The following EPB41L1 variants were observed in gnomAD, a reference collection of about 807,000 sequenced individuals.
EPB41L1 encodes erythrocyte membrane protein band 4.1 like 1, also known as band 4.1-like protein 1.
In EPB41L1, 29 loss-of-function variants were observed where a neutral mutation model predicts 97.8. That is an observed-to-expected ratio of 0.30 (90% CI 0.22 to 0.40). The LOEUF is 0.40. EPB41L1 is among the 10% of genes least tolerant of loss of function. The pLI, the probability that EPB41L1 is intolerant of heterozygous loss-of-function variation, is 1.00. For missense variants in EPB41L1, 812 were observed against 1,162.3 expected, an observed-to-expected ratio of 0.70 and a Z score of 4.38; for synonymous variants, 383 against 459.2, an observed-to-expected ratio of 0.83 and a Z score of 2.12.
chr20:36,124,624 C>A (rs2147702965), intron 2 of EPB41L1, among the ~76,000 whole-genome samples: 2 of 152,324 alleles, frequency 1.3e-5, no homozygotes, highest in Admixed American at 1.3e-4. Context: ...GTCCTCCCAC[C>A]CCCTGCACTG....
chr20:36,183,258 A>C (rs1000399164), intron 6 of EPB41L1, among the ~76,000 whole-genome samples: 8 of 152,144 alleles, frequency 5.3e-5, no homozygotes, highest in Non-Finnish European at 1.0e-4. Context: ...AAGGGCTCCT[A>C]AGCCAGCCCC....
intron 16 of EPB41L1, among the ~76,000 whole-genome samples, chr20:36,214,061 A>C (rs530557002): frequency 1.3e-5 from 2 of 152,278 alleles, no homozygotes; most frequent in Non-Finnish European, 2.9e-5. Context: ...TGAGCTTTTC[A>C]AAGGTTATAT....
At chr20:36,202,738 G>A (rs140615158) in intron 14 of EPB41L1, among the ~76,000 whole-genome samples, 4 of 151,456 alleles carry the variant, frequency 2.6e-5, no homozygotes, top group Admixed American at 6.6e-5. Context: ...GCTTGAACTC[G>A]GGAGGCGGCT....
At chr20:36,221,794 GTAGGTCCCCTC>G (rs2063795727) in intron 19 of EPB41L1, 59 bp from the exon 20 acceptor site, 1 of 1,313,784 alleles carries the variant, frequency 7.6e-7, no homozygotes, top group Non-Finnish European at 1.1e-6. Flanking sequence ...GATGATTTGG[GTAGGTCCCCTC>G]TTGAGGCTGC....
chr20:36,131,210 G>C lies in EPB41L1; in HGVS notation c.-10+18730G>C, dbSNP rs139092259. ...GGCTGGTCTTGAACTCCTGGCCTCT[G>C]GTGATCCGCCCGCCTCGGCCTCCCA... On this transcript the variant is annotated intron_variant, in intron 2 of 19. Coordinates refer to the EPB41L1 transcript ENST00000202028. Among the ~76,000 whole-genome samples the C allele has an allele frequency of 8.6e-3, 1,302 of 152,090 alleles. 27 individuals carry two copies. The highest frequency in any genetic ancestry group is 0.029 in the African/African-American group (1,218 of 41,486).
chr20:36,202,542 C>T (rs1193429658), intron 14 of EPB41L1, among the ~76,000 whole-genome samples: 1 of 152,100 alleles, frequency 6.6e-6, no homozygotes, highest in East Asian at 1.9e-4. Context: ...GCCTGTAATT[C>T]CAGCACTTTG....
chr20:36,221,645 T>A (rs1601086822), intron 19 of EPB41L1, among the ~76,000 whole-genome samples: 1 of 152,122 alleles, frequency 6.6e-6, no homozygotes. Context: ...TTGGAAGACC[T>A]AGATGGGATA....
At chr20:36,129,185 AGTCCCT>A (rs934175107) in intron 2 of EPB41L1, among the ~76,000 whole-genome samples, 2 of 152,120 alleles carry the variant, frequency 1.3e-5, no homozygotes, top group East Asian at 3.9e-4. Flanking sequence ...TTGGTTTGCG[AGTCCCT>A]GTGGAAACAC....
rs113406869 is a variant in EPB41L1 at position 36,197,283 on chromosome 20, T to G, written c.1486-576T>G. Among the ~76,000 whole-genome samples the G allele has an allele frequency of 2.9e-3, 442 of 152,316 alleles. 4 individuals carry two copies. The highest frequency in any genetic ancestry group is 0.01 in the African/African-American group (434 of 41,582). On this transcript the variant is annotated intron_variant, in intron 13 of 21. Transcript: ENST00000338074. ...CTGTACTGTGGGCCTCCCCAGGGCC[T>G]GAGCAGTTGTGCATGTTGGGCTAGG... is the stretch of plus-strand genomic sequence containing the variant.
chr20:36,185,447 C>A, intron 7 of EPB41L1, 112 bp downstream of exon 7: 2 of 988,354 alleles, frequency 2.0e-6, no homozygotes, highest in African/African-American at 1.6e-5. Context: ...CCCCGCCTGG[C>A]TCTGCCCCTA....
intron 5 of EPB41L1, among the ~76,000 whole-genome samples, chr20:36,178,959 G>A (rs1306033661): frequency 6.6e-6 from 1 of 151,766 alleles, no homozygotes; most frequent in Non-Finnish European, 1.5e-5. Flanking sequence ...TACTCGGGAG[G>A]CTGAGGCACT....
chr20:36,134,748 A>G (rs940264773), intron 2 of EPB41L1, among the ~76,000 whole-genome samples: 2 of 151,572 alleles, frequency 1.3e-5, no homozygotes, highest in Non-Finnish European at 2.9e-5. Flanking sequence ...CAAAGGCTGC[A>G]TTGGTCTCAG....
At chr20:36,224,959 C>T (rs2064021815) in intron 21 of EPB41L1, among the ~76,000 whole-genome samples, 1 of 152,116 alleles carries the variant, frequency 6.6e-6, no homozygotes, top group Non-Finnish European at 1.5e-5. Context: ...GTAGCTGAGA[C>T]TACAGGCGTG....
intron 2 of EPB41L1, among the ~76,000 whole-genome samples, chr20:36,120,724 C>G (rs2058724718): frequency 6.6e-6 from 1 of 152,130 alleles, no homozygotes; most frequent in African/African-American, 2.4e-5. Context: ...ATTAAAAACT[C>G]CAATTTTATT....
Position 36,190,904 on chromosome 20 carries a change from C to A in EPB41L1, c.1300+107C>A. 1.4e-6 allele frequency: 2 copies of A among 1,443,318 alleles called. No homozygotes were observed. Among genetic ancestry groups the A allele is most frequent in the Non-Finnish European group, 1.9e-6 (2 of 1,058,198 alleles). The allele number at this position is 1,443,318 out of a possible 1,614,324, so 89.4% of individuals were successfully genotyped here. ...GAGCAGGAAAATGGTAGATGCATCC[C>A]AAGTTCATCTGCACCAGGCTGGCCC... On this transcript the variant is annotated intron_variant, in intron 11 of 21. Transcript: ENST00000338074. This position sits in a 1 kb window ranked among gnomAD's most constrained non-coding sequence, Gnocchi z 5.8.
chr20:36,169,637 C>A (rs1306082835), intron 1 of EPB41L1, among the ~76,000 whole-genome samples: 3 of 152,324 alleles, frequency 2.0e-5, no homozygotes, highest in Admixed American at 2.0e-4. Context: ...CCTGCCCAAC[C>A]CCCTTCTTCC....
At chr20:36,176,641 T>C (rs1025987690) in intron 3 of EPB41L1, among the ~76,000 whole-genome samples, 3 of 150,198 alleles carry the variant, frequency 2.0e-5, no homozygotes, top group Admixed American at 6.6e-5. Flanking sequence ...TTTTTTTTTT[T>C]TTTTTGTTGA....
chr20:36,098,781 AC>A (rs2057915159), intron 1 of EPB41L1, among the ~76,000 whole-genome samples: 1 of 152,188 alleles, frequency 6.6e-6, no homozygotes, highest in African/African-American at 2.4e-5. Context: ...TTTTAGTTCC[AC>A]AGGGCTACAT....
intron 2 of EPB41L1, among the ~76,000 whole-genome samples, chr20:36,118,583 G>A (rs973535597): frequency 3.3e-5 from 5 of 152,140 alleles, no homozygotes; most frequent in East Asian, 1.9e-4. Flanking sequence ...GCACAACTCC[G>A]TATGTAAATA....
Sources: gnomAD v4.1 joint callset for allele counts (sites outside exome capture counted in the v4.1 genomes callset) on GRCh38, gnomAD v4.1.1 for gene constraint, Gnocchi (gnomAD v3.1) non-coding constraint, MANE v1.5 for transcripts, NCBI Gene and HGNC (gene_info 2026-07-23, HGNC 2026-07-21) for gene names.